The following CDH13 variants were observed in gnomAD, a reference collection of about 807,000 sequenced individuals.
The protein encoded by CDH13 is cadherin 13.
A neutral mutation model predicts 63.8 loss-of-function variants in CDH13; 24 were observed. The observed-to-expected ratio is 0.38, with a 90% CI of 0.27 to 0.53. The LOEUF (loss-of-function observed/expected upper bound fraction) is 0.53, where lower values mean the gene tolerates loss of function less well. CDH13 is among the 20% of genes least tolerant of loss of function. The pLI, the probability that CDH13 is intolerant of heterozygous loss-of-function variation, is 0.85. For synonymous variants in CDH13, 503 were observed against 355.3 expected (o/e 1.42, Z -4.67); for missense variants, 1,049 against 903.1 (o/e 1.16, Z -2.07).
At chr16:82,984,308 C>A (rs962523612) in intron 2 of CDH13, among the ~76,000 whole-genome samples, 1 of 152,202 alleles carries the variant, frequency 6.6e-6, no homozygotes, top group Non-Finnish European at 1.5e-5. Context: ...TCAGCTATGT[C>A]TTCACATGGG....
chr16:83,489,035 TG>T (rs899322819), intron 7 of CDH13, among the ~76,000 whole-genome samples: 11 of 152,196 alleles, frequency 7.2e-5, no homozygotes, highest in African/African-American at 2.7e-4. Flanking sequence ...CACACACACA[TG>T]CCAGCTTTTC....
intron 7 of CDH13, among the ~76,000 whole-genome samples, chr16:83,548,112 C>T (rs990675276): frequency 6.6e-6 from 1 of 152,034 alleles, no homozygotes; most frequent in African/African-American, 2.4e-5. Flanking sequence ...GGATGGGAAG[C>T]TAGCCAAGAG....
chr16:83,375,954 G>C (rs373997851), intron 6 of CDH13, among the ~76,000 whole-genome samples: 1 of 152,078 alleles, frequency 6.6e-6, no homozygotes, highest in African/African-American at 2.4e-5. Flanking sequence ...AGGACTATTA[G>C]GGTGAGTTTA....
intron 4 of CDH13, among the ~76,000 whole-genome samples, chr16:83,211,811 C>G (rs2039347279): frequency 6.6e-6 from 1 of 151,974 alleles, no homozygotes; most frequent in Non-Finnish European, 1.5e-5. Flanking sequence ...TGAGGCAAGA[C>G]TCCTGTGTGC....
chr16:83,135,060 G>C (rs565736814), intron 4 of CDH13, among the ~76,000 whole-genome samples: 2 of 152,176 alleles, frequency 1.3e-5, no homozygotes, highest in Non-Finnish European at 2.9e-5. Context: ...TCCAGACTCA[G>C]GGTTGTTGAA....
chr16:83,512,610 G>T (rs192064391), intron 7 of CDH13, among the ~76,000 whole-genome samples: 1 of 150,902 alleles, frequency 6.6e-6, no homozygotes. Flanking sequence ...GGAGGTTGCA[G>T]TGAGCTGAGA....
chr16:82,824,503 A>T (rs1329891295), intron 1 of CDH13: 1 of 152,222 alleles, frequency 6.6e-6, no homozygotes, highest in Non-Finnish European at 1.5e-5. Context: ...AAGAAAGACC[A>T]TATGACATTT....
At chr16:82,655,943 G>A (rs553960100) in intron 1 of CDH13, among the ~76,000 whole-genome samples, 1 of 152,134 alleles carries the variant, frequency 6.6e-6, no homozygotes, top group Non-Finnish European at 1.5e-5. Flanking sequence ...TCTGTATGAG[G>A]TTTGGCACCA....
Position 83,421,754 on chromosome 16 carries a change from A to G in CDH13, c.782-64723A>G, listed in dbSNP as rs182567278. Reference sequence around the variant, plus strand: ...CCAGTAAGGATGCAATTGGAAATGGACTTTGTGGTGAACAGCCAACAAGAT... The same window carrying G: ...CCAGTAAGGATGCAATTGGAAATGGGCTTTGTGGTGAACAGCCAACAAGAT... On this transcript the variant is annotated intron_variant, in intron 6 of 13. Transcript: ENST00000567109. Among the ~76,000 whole-genome samples the G allele has an allele frequency of 1.1e-3, 171 of 152,308 alleles. 1 individual carries two copies. The highest frequency in any genetic ancestry group is 2.8e-3 in the African/African-American group (115 of 41,558).
At chr16:83,602,055 T>C (rs1472892813) in intron 7 of CDH13, among the ~76,000 whole-genome samples, 1 of 116,170 alleles carries the variant, frequency 8.6e-6, no homozygotes, top group East Asian at 2.8e-4. Flanking sequence ...ATTGCGCCAC[T>C]GTACTCTAGA....
intron 8 of CDH13, among the ~76,000 whole-genome samples, chr16:83,636,723 G>C (rs1911297756): frequency 6.6e-6 from 1 of 152,168 alleles, no homozygotes; most frequent in Admixed American, 6.5e-5. Flanking sequence ...ATGGATATAT[G>C]GGTGCATGTG....
chr16:83,245,393 T>C (rs2151819069), intron 5 of CDH13, among the ~76,000 whole-genome samples: 1 of 152,358 alleles, frequency 6.6e-6, no homozygotes, highest in African/African-American at 2.4e-5. Context: ...TCTTTTCCTT[T>C]ACACTTCAGC....
intron 7 of CDH13, among the ~76,000 whole-genome samples, chr16:83,601,522 G>T (rs781047689): frequency 2.0e-5 from 3 of 152,178 alleles, no homozygotes; most frequent in African/African-American, 7.2e-5. Flanking sequence ...CGACAAAAAA[G>T]ACATGAAAGA....
intron 5 of CDH13, among the ~76,000 whole-genome samples, chr16:83,295,944 C>T (rs1431426158): frequency 6.6e-6 from 1 of 152,098 alleles, no homozygotes; most frequent in Admixed American, 6.6e-5. Flanking sequence ...ATCAATGGAT[C>T]AATGGATAAA....
chr16:83,301,441 G>T (rs1408930528), intron 5 of CDH13, among the ~76,000 whole-genome samples: 2 of 152,070 alleles, frequency 1.3e-5, no homozygotes, highest in Admixed American at 6.5e-5. Context: ...CCAGTACCTT[G>T]TTTAATGATG....
At chr16:83,480,720 T>G (rs2073740091) in intron 6 of CDH13, among the ~76,000 whole-genome samples, 1 of 152,146 alleles carries the variant, frequency 6.6e-6, no homozygotes, top group Non-Finnish European at 1.5e-5. Context: ...TGGAATCCCC[T>G]CAGTCCTGGG....
intron 5 of CDH13, among the ~76,000 whole-genome samples, chr16:83,322,354 T>G (rs2090249706): frequency 6.6e-6 from 1 of 152,196 alleles, no homozygotes; most frequent in African/African-American, 2.4e-5. Context: ...AGAACATAAA[T>G]GAACTGCTAG....
At chr16:83,787,339 A>C (rs945784257) in intron 13 of CDH13, among the ~76,000 whole-genome samples, 1 of 151,904 alleles carries the variant, frequency 6.6e-6, no homozygotes, top group South Asian at 2.1e-4. Context: ...CTTTTGTACC[A>C]CCCTTTAAAA....
At chr16:83,686,240 C>G (rs1481791447) in intron 10 of CDH13, among the ~76,000 whole-genome samples, 1 of 152,224 alleles carries the variant, frequency 6.6e-6, no homozygotes, top group Admixed American at 6.5e-5. Flanking sequence ...CCAAGCTTCA[C>G]ACTTCCTCAA....
Sources: gnomAD v4.1 joint callset for allele counts (sites outside exome capture counted in the v4.1 genomes callset) on GRCh38, gnomAD v4.1.1 for gene constraint, MANE v1.5 for transcripts, NCBI Gene and HGNC (gene_info 2026-07-23, HGNC 2026-07-21) for gene names.